NACC2: variants seen among roughly 807,000 people sequenced by gnomAD.
The protein encoded by NACC2 is nucleus accumbens-associated protein 2.
Under a neutral mutation model 25.1 loss-of-function variants are expected in NACC2, and 8 were observed. The observed-to-expected ratio is 0.32, with a 90% CI of 0.19 to 0.57. The LOEUF (loss-of-function observed/expected upper bound fraction) is 0.57. NACC2 is among the 20% of genes least tolerant of loss of function. NACC2 has a pLI of 0.89. For missense variants in NACC2, 644 were observed against 650.2 expected (o/e 0.99, Z 0.10); for synonymous variants, 435 against 294.7 (o/e 1.48, Z -4.88).
At chr9:136,074,623 G>T (rs1445305681) in intron 1 of NACC2, among the ~76,000 whole-genome samples, 1 of 151,458 alleles carries the variant, frequency 6.6e-6, no homozygotes, top group African/African-American at 2.4e-5. Context: ...TCACAGCAAG[G>T]CTGCCTGCCT....
intron 2 of NACC2, among the ~76,000 whole-genome samples, chr9:136,041,895 T>C (rs1348910724): frequency 6.6e-6 from 1 of 152,198 alleles, no homozygotes; most frequent in African/African-American, 2.4e-5. Context: ...GGTCAGTTCT[T>C]CTCAAACTGA....
chr9:136,013,637 T>C lies in NACC2; in HGVS notation c.1157+227A>G, dbSNP rs55876239. On this transcript the variant is annotated intron_variant, in intron 4 of 5. Coordinates refer to ENST00000277554, the MANE Select transcript of NACC2 (RefSeq NM_144653.5). This position sits in a 1 kb window ranked among gnomAD's most constrained non-coding sequence, Gnocchi z 6.6. ...AGTGTGGCTCTTCATTTTTCTGTTG[T>C]GGGGGTTGCATCCACAAGCCCGTTT... is the stretch of plus-strand genomic sequence containing the variant. Among the ~76,000 whole-genome samples, 3,548 of 152,204 alleles carry C rather than the reference T, an allele frequency of 0.023. 74 individuals are homozygous for C. Among genetic ancestry groups the C allele is most frequent in the Admixed American group, 0.06 (917 of 15,294 alleles).
At chr9:136,017,954 T>C (rs1247303056) in intron 2 of NACC2, among the ~76,000 whole-genome samples, 2 of 152,136 alleles carry the variant, frequency 1.3e-5, no homozygotes, top group Non-Finnish European at 2.9e-5. Flanking sequence ...GGGCTGGACC[T>C]TGCTTGCCGA....
chr9:136,080,812 C>T (rs60290292), intron 1 of NACC2, among the ~76,000 whole-genome samples: 2,669 of 152,274 alleles, frequency 0.018, 72 homozygotes, highest in African/African-American at 0.059. Context: ...GGAGAGCAGA[C>T]GGCAGATGAC....
chr9:136,082,849 A>G (rs1830338326), intron 1 of NACC2, among the ~76,000 whole-genome samples: 2 of 152,236 alleles, frequency 1.3e-5, no homozygotes. Context: ...AAGGAAAGAC[A>G]GACACCATCT....
chr9:136,038,108 C>A (rs1840580487), intron 2 of NACC2, among the ~76,000 whole-genome samples: 1 of 152,132 alleles, frequency 6.6e-6, no homozygotes, highest in Non-Finnish European at 1.5e-5. Flanking sequence ...ATCTATAAGC[C>A]AGGAAACAGA....
chr9:136,046,973 G>T (rs1176841727), intron 2 of NACC2, among the ~76,000 whole-genome samples: 1 of 152,174 alleles, frequency 6.6e-6, no homozygotes, highest in Non-Finnish European at 1.5e-5. Flanking sequence ...ACAGGCACAC[G>T]CATTACCACA....
intron 1 of NACC2, among the ~76,000 whole-genome samples, chr9:136,052,525 AC>A (rs1338861967): frequency 6.6e-6 from 1 of 151,962 alleles, no homozygotes; most frequent in Non-Finnish European, 1.5e-5. Flanking sequence ...AGGCACAGAA[AC>A]GGCAGGCAGT....
At chr9:136,051,482 G>A (rs1347743216) in intron 1 of NACC2, among the ~76,000 whole-genome samples, 1 of 152,200 alleles carries the variant, frequency 6.6e-6, no homozygotes, top group Non-Finnish European at 1.5e-5. Flanking sequence ...AGCTGGGGAG[G>A]GCGCCGCTGT....
chr9:136,040,697 C>T (rs1432678494), intron 2 of NACC2, among the ~76,000 whole-genome samples: 1 of 152,238 alleles, frequency 6.6e-6, no homozygotes, highest in Non-Finnish European at 1.5e-5. Context: ...CAGTGGCTCA[C>T]ACCTATAATC....
In NACC2 at chr9:136,013,168, C is replaced by CA; in HGVS notation, c.1255+30_1255+31insT. The CA allele has an allele frequency of 9.9e-7, 1 of 1,009,254 alleles. No individual in the cohort carries two copies. Among genetic ancestry groups the CA allele is most frequent in the Non-Finnish European group, 1.6e-6 (1 of 637,930 alleles). The allele number at this position is 1,009,254 out of a possible 1,614,324, so 62.5% of individuals were successfully genotyped here. A position where few individuals can be genotyped will look rare whatever the true frequency, so the allele number is the denominator to read the frequency against. ...CTGGGATCTGAACCCAGCCCCGGCC[C>CA]CACCCACCCGAGAGACCCCCAGGCT... On this transcript the variant is annotated intron_variant, in intron 5 of 5. Coordinates refer to ENST00000277554, the MANE Select transcript of NACC2 (RefSeq NM_144653.5). This position sits in a 1 kb window ranked among gnomAD's most constrained non-coding sequence, Gnocchi z 6.6.
chr9:136,051,487 C>T (rs1330318404), intron 1 of NACC2, among the ~76,000 whole-genome samples: 1 of 152,138 alleles, frequency 6.6e-6, no homozygotes, highest in African/African-American at 2.4e-5. Flanking sequence ...GGGAGGGCGC[C>T]GCTGTTTATC....
intron 1 of NACC2, among the ~76,000 whole-genome samples, chr9:136,094,061 C>A (rs1452512733): frequency 6.6e-6 from 1 of 152,182 alleles, no homozygotes; most frequent in African/African-American, 2.4e-5. Context: ...CCAAGGTGCA[C>A]GCGCTCCCGG....
rs931269420 is a variant in NACC2 at position 136,055,267 on chromosome 9, G to A, written c.-59-4687C>T. On this transcript the variant is annotated intron_variant, in intron 1 of 5. Transcript: ENST00000277554. This position sits in a 1 kb window ranked among gnomAD's most constrained non-coding sequence, Gnocchi z 4.9. ...GGGGTTGGGGCAGCGTCTCCAGAAC[G>A]ACCCCCCTGCCTGAGTGTCGTCCCG... Among the ~76,000 whole-genome samples the A allele has an allele frequency of 2.6e-5, 4 of 152,106 alleles. No individual in the cohort carries two copies. The highest frequency in any genetic ancestry group is 2.1e-4 in the South Asian group (1 of 4,830).
At chr9:136,035,636 G>C (rs1049960972) in intron 2 of NACC2, among the ~76,000 whole-genome samples, 7 of 152,006 alleles carry the variant, frequency 4.6e-5, no homozygotes. Context: ...AGTTACATGA[G>C]GATGATGGAT....
At chr9:136,021,728 A>G (rs1039851005) in intron 2 of NACC2, among the ~76,000 whole-genome samples, 2 of 152,164 alleles carry the variant, frequency 1.3e-5, no homozygotes, top group African/African-American at 4.8e-5. Flanking sequence ...GCATGCAGAT[A>G]AAGACACTGT....
chr9:136,033,427 T>C (rs1025571818), intron 2 of NACC2, among the ~76,000 whole-genome samples: 1 of 152,114 alleles, frequency 6.6e-6, no homozygotes, highest in South Asian at 2.1e-4. Context: ...GCGGATCATC[T>C]GAGGTCAGGA....
intron 5 of NACC2, 60 bp from the exon 6 acceptor site, chr9:136,012,084 C>T: frequency 6.9e-7 from 1 of 1,459,442 alleles, no homozygotes; most frequent in South Asian, 1.4e-5. Flanking sequence ...CGCCCCTCCC[C>T]AAGGCCACAG....
intron 2 of NACC2, among the ~76,000 whole-genome samples, chr9:136,041,000 A>AGG (rs1840618551): frequency 6.6e-6 from 1 of 150,880 alleles, no homozygotes; most frequent in African/African-American, 2.4e-5. Flanking sequence ...AAAGGAAGGA[A>AGG]AGAAAGGAAG....
Sources: gnomAD v4.1 joint callset for allele counts (sites outside exome capture counted in the v4.1 genomes callset) on GRCh38, gnomAD v4.1.1 for gene constraint, Gnocchi (gnomAD v3.1) non-coding constraint, MANE v1.5 for transcripts, NCBI Gene and HGNC (gene_info 2026-07-23, HGNC 2026-07-21) for gene names.